TGFB2: variants seen among roughly 807,000 people sequenced by gnomAD.
The protein encoded by TGFB2 is transforming growth factor beta-2 proprotein.
A neutral mutation model predicts 42.7 loss-of-function variants in TGFB2; 13 were observed. That is an observed-to-expected ratio of 0.30 (90% CI 0.20 to 0.48). TGFB2 has a LOEUF of 0.48. Among genes scored for constraint, TGFB2 ranks in the 20% least tolerant of loss-of-function variants. TGFB2 has a pLI of 0.99. For synonymous variants in TGFB2, 193 were observed against 193.6 expected, an observed-to-expected ratio of 1.00 and a Z score of 0.03; for missense variants, 390 against 517.5, an observed-to-expected ratio of 0.75 and a Z score of 2.39.
chr1:218,400,334 A>C (rs1233138967), intron 1 of TGFB2, among the ~76,000 whole-genome samples: 1 of 151,598 alleles, frequency 6.6e-6, no homozygotes, highest in Non-Finnish European at 1.5e-5. Flanking sequence ...GTGTTTTTTT[A>C]TGTGCTGTTT....
chr1:218,412,741 A>T (rs909829449), intron 2 of TGFB2, among the ~76,000 whole-genome samples: 2 of 152,180 alleles, frequency 1.3e-5, no homozygotes, highest in South Asian at 4.1e-4. Flanking sequence ...CACTGCTTAG[A>T]TTTTGACTTC....
At chr1:218,437,546 C>A (rs375898059) in intron 6 of TGFB2, 50 bp downstream of exon 6, 2 of 1,536,052 alleles carry the variant, frequency 1.3e-6, no homozygotes, top group African/African-American at 2.8e-5. Context: ...ACCATGTGCA[C>A]CTGCTGATAG....
chr1:218,431,215 G>A lies in TGFB2; in HGVS notation c.511-2867G>A, dbSNP rs537496242. Among the ~76,000 whole-genome samples, 11 of 152,334 alleles carry A rather than the reference G, an allele frequency of 7.2e-5. No homozygotes were observed. In the South Asian group the frequency reaches 2.1e-3, roughly 29 times the overall value. On this transcript the variant is annotated intron_variant, in intron 2 of 6. Transcript: ENST00000366930. ...TCCAGAGGACCTTTCACCCAAGTGA[G>A]AGGATGAGATTGTCTGTTTTCTGAG...
chr1:218,432,293 T>C (rs10482796), intron 2 of TGFB2, among the ~76,000 whole-genome samples: 34,924 of 152,102 alleles, frequency 0.23, 4,459 homozygotes, highest in East Asian at 0.55. Context: ...TCAAGTCATG[T>C]TTATCTGCTT....
chr1:218,411,075 A>G lies in TGFB2; in HGVS notation c.510+5743A>G, dbSNP rs114189170. ...AAGAATACTTATATTTAAATTTGCT[A>G]ACCTCAGAGGACTTGGAGCTCTCCA... On this transcript the variant is annotated intron_variant, in intron 2 of 6. Coordinates refer to ENST00000366930, the MANE Select transcript of TGFB2 (RefSeq NM_003238.6). Among the ~76,000 whole-genome samples, 584 of 152,272 alleles carry G rather than the reference A, an allele frequency of 3.8e-3. 6 individuals carry two copies. Among genetic ancestry groups the G allele is most frequent in the African/African-American group, 0.014 (561 of 41,542 alleles).
At chr1:218,426,211 A>G (rs1391293628) in intron 2 of TGFB2, among the ~76,000 whole-genome samples, 5 of 152,328 alleles carry the variant, frequency 3.3e-5, no homozygotes, top group Non-Finnish European at 5.9e-5. Context: ...TTGGAAAGTA[A>G]CATTGAATTC....
At chr1:218,356,300 T>C (rs1657032130) in intron 1 of TGFB2, among the ~76,000 whole-genome samples, 1 of 151,986 alleles carries the variant, frequency 6.6e-6, no homozygotes, top group Admixed American at 6.6e-5. Flanking sequence ...CACTGAAGCC[T>C]CCATCTCCTG....
rs764340154 is a variant in TGFB2 at position 218,441,296 on chromosome 1, C to T, written c.1179C>T (p.Tyr393=). The part of the protein sequence containing the change: ...QDLEPLTILY[Y]IGKTPKIEQL... ...TAGAACCTCTAACCATTCTCTACTA[C>T]ATTGGCAAAACACCCAAGATTGAAC... The change falls in exon 7 of 7, where the codon TAC becomes TAT. Residue 393 remains tyrosine, a synonymous_variant. Transcript: ENST00000366930. The T allele has an allele frequency of 2.5e-6, 4 of 1,613,606 alleles. No individual in the cohort carries two copies. The highest frequency in any genetic ancestry group is 2.5e-6 in the Non-Finnish European group (3 of 1,179,916).
At chr1:218,427,296 C>A (rs1164462237) in intron 2 of TGFB2, among the ~76,000 whole-genome samples, 1 of 151,980 alleles carries the variant, frequency 6.6e-6, no homozygotes, top group East Asian at 1.9e-4. Flanking sequence ...CCCCTACTAA[C>A]CTCTAACCTC....
intron 1 of TGFB2, among the ~76,000 whole-genome samples, chr1:218,379,268 G>A (rs555269004): frequency 5.3e-5 from 8 of 151,624 alleles, no homozygotes; most frequent in African/African-American, 1.9e-4. Context: ...GAGTAGCTGG[G>A]ACTACAGGCG....
intron 2 of TGFB2, among the ~76,000 whole-genome samples, chr1:218,417,973 G>T (rs963871124): frequency 1.3e-5 from 2 of 152,212 alleles, no homozygotes; most frequent in African/African-American, 4.8e-5. Flanking sequence ...TGCTGTAGGG[G>T]CAGGGTCCTC....
rs745370275 is a variant in TGFB2 at position 218,346,679 on chromosome 1, T to C, written c.-23T>C. On this transcript the variant is annotated 5_prime_UTR_variant, in exon 1 of 7. Coordinates refer to ENST00000366930, the MANE Select transcript of TGFB2 (RefSeq NM_003238.6). This position sits in a 1 kb window ranked among gnomAD's most constrained non-coding sequence, Gnocchi z 4.9. The stretch of plus-strand genomic sequence containing the variant: ...TTTTATTCTGACTTTTAAAAACAAC[T>C]TTTTTTTCCACTTTTTTAAAAAATG... 1.0e-5 allele frequency: 16 copies of C among 1,558,184 alleles called. No individual in the cohort carries two copies. Among genetic ancestry groups the C allele is most frequent in the Admixed American group, 2.1e-5 (1 of 47,892 alleles).
At chr1:218,390,790 C>T (rs1157900021) in intron 1 of TGFB2, among the ~76,000 whole-genome samples, 1 of 152,158 alleles carries the variant, frequency 6.6e-6, no homozygotes, top group Non-Finnish European at 1.5e-5. Context: ...CTCGTTCATG[C>T]CACAGTTCAT....
chr1:218,371,187 G>C (rs1571844286), intron 1 of TGFB2, among the ~76,000 whole-genome samples: 1 of 152,100 alleles, frequency 6.6e-6, no homozygotes, highest in Non-Finnish European at 1.5e-5. Context: ...TGTGGTCCCA[G>C]CTATTCAGGA....
Position 218,346,752 on chromosome 1 carries a change from C to T in TGFB2, c.51C>T (p.Val17=), listed in dbSNP as rs549320294. 9.3e-6 allele frequency: 15 copies of T among 1,614,084 alleles called. No homozygotes were observed. The South Asian group carries it at 1.2e-4, about 13-fold the overall frequency. Reference sequence around the variant, plus strand: ...TTCTGATCCTGCATCTGGTCACGGTCGCGCTCAGCCTGTCTACCTGCAGCA... The same window carrying T: ...TTCTGATCCTGCATCTGGTCACGGTTGCGCTCAGCCTGTCTACCTGCAGCA... ...SAFLILHLVT[V]ALSLSTCSTL... is the part of the protein sequence containing the mutation. The change falls in exon 1 of 7, where the codon GTC becomes GTT. Residue 17 remains valine, a synonymous_variant. Coordinates refer to ENST00000366930, the MANE Select transcript of TGFB2 (RefSeq NM_003238.6). This position sits in a 1 kb window ranked among gnomAD's most constrained non-coding sequence, Gnocchi z 4.9.
At chr1:218,385,915 C>T (rs1480416948) in intron 1 of TGFB2, among the ~76,000 whole-genome samples, 2 of 152,012 alleles carry the variant, frequency 1.3e-5, no homozygotes, top group Non-Finnish European at 2.9e-5. Context: ...AGCCTTTTCC[C>T]CCAAACCAGA....
chr1:218,396,991 G>T (rs1414938220), intron 1 of TGFB2, among the ~76,000 whole-genome samples: 2 of 152,182 alleles, frequency 1.3e-5, no homozygotes, highest in Non-Finnish European at 2.9e-5. Flanking sequence ...GCTTGAGCCA[G>T]GTGCAGTGGC....
chr1:218,417,488 A>T (rs1367000862), intron 2 of TGFB2, among the ~76,000 whole-genome samples: 1 of 152,252 alleles, frequency 6.6e-6, no homozygotes, highest in Non-Finnish European at 1.5e-5. Context: ...GAAACAGAAA[A>T]TAAAAGTTTG....
At chr1:218,436,328 A>C (rs2102628868) in intron 5 of TGFB2, among the ~76,000 whole-genome samples, 181 bp downstream of exon 5, 1 of 152,342 alleles carries the variant, frequency 6.6e-6, no homozygotes, top group Non-Finnish European at 1.5e-5. Context: ...TCAGGTCTTT[A>C]GCAGTGAACC....
Sources: gnomAD v4.1 joint callset for allele counts (sites outside exome capture counted in the v4.1 genomes callset) on GRCh38, gnomAD v4.1.1 for gene constraint, Gnocchi (gnomAD v3.1) non-coding constraint, MANE v1.5 for transcripts, NCBI Gene and HGNC (gene_info 2026-07-23, HGNC 2026-07-21) for gene names.